Variants in NRDE2 observed in about 807,000 individuals in gnomAD.
NRDE2 encodes the protein NRDE-2, necessary for RNA interference, domain containing.
Under a neutral mutation model 124.2 loss-of-function variants are expected in NRDE2, and 76 were observed. That is an observed-to-expected ratio of 0.61 (90% CI 0.51 to 0.74). The LOEUF is 0.74. Ranked by LOEUF, NRDE2 falls within the 30% of genes least tolerant of loss-of-function variation. The probability of loss-of-function intolerance (pLI) is 0.00; values close to 1 mark genes in which losing one functional copy is unlikely to be tolerated. For synonymous variants in NRDE2, 489 were observed against 528.1 expected, an observed-to-expected ratio of 0.93 and a Z score of 1.01; for missense variants, 1,314 against 1,417.3, an observed-to-expected ratio of 0.93 and a Z score of 1.17.
At chr14:90,316,541 C>T (rs1319428750) in intron 3 of NRDE2, 37 bp downstream of exon 3, 2 of 1,453,792 alleles carry the variant, frequency 1.4e-6, no homozygotes, top group Non-Finnish European at 1.9e-6. Context: ...AAACTCAAGA[C>T]TTAAAATATC....
At chr14:90,327,515 C>G (rs557246908) in intron 1 of NRDE2, among the ~76,000 whole-genome samples, 1 of 151,650 alleles carries the variant, frequency 6.6e-6, no homozygotes, top group East Asian at 1.9e-4. Context: ...CGCCACTACA[C>G]TCCAACCTGG....
At chr14:90,306,275 C>A (rs1340128898) in intron 4 of NRDE2, among the ~76,000 whole-genome samples, 1 of 152,216 alleles carries the variant, frequency 6.6e-6, no homozygotes, top group African/African-American at 2.4e-5. Flanking sequence ...GGGCTCTCTC[C>A]CTCACCTCTG....
intron 6 of NRDE2, among the ~76,000 whole-genome samples, chr14:90,302,260 A>G (rs1221860449): frequency 6.6e-6 from 1 of 152,200 alleles, no homozygotes; most frequent in Non-Finnish European, 1.5e-5. Flanking sequence ...ACATCTCATT[A>G]CTGTCAAAAT....
chr14:90,311,395 G>A (rs1478448325), intron 4 of NRDE2, among the ~76,000 whole-genome samples: 3 of 152,156 alleles, frequency 2.0e-5, no homozygotes, highest in Admixed American at 6.5e-5. Flanking sequence ...TGTTGTGGGA[G>A]GGGCTTGGTG....
At chr14:90,285,001 G>A (rs1043445361) in intron 12 of NRDE2, among the ~76,000 whole-genome samples, 21 of 151,992 alleles carry the variant, frequency 1.4e-4, no homozygotes, top group African/African-American at 1.4e-4. Context: ...ATTTTAGGCC[G>A]GGCGCAGTGG....
intron 8 of NRDE2, 119 bp downstream of exon 8, chr14:90,298,141 T>A: frequency 9.1e-7 from 1 of 1,095,194 alleles, no homozygotes; most frequent in Non-Finnish European, 1.3e-6. Context: ...GACATTTTGA[T>A]GTTTGTGCAA....
In NRDE2 at chr14:90,269,743, T is replaced by A; in HGVS notation, c.*8593A>T. The A allele has an allele frequency of 2.0e-6, 1 of 497,286 alleles. No individual in the cohort carries two copies. Among genetic ancestry groups the A allele is most frequent in the Non-Finnish European group, 3.4e-6 (1 of 292,282 alleles). 30.8% of individuals were successfully genotyped at this position (497,286 alleles called of 1,614,324 possible). A position where few individuals can be genotyped will look rare whatever the true frequency, so the allele number is the denominator to read the frequency against. On this transcript the variant is annotated 3_prime_UTR_variant, in exon 14 of 14. Transcript: ENST00000354366. ...TGATATGGTCTGTGCACCTTGGCCC[T>A]TTGAATTCCAGTCTTATGTCTTGTC...
intron 13 of NRDE2, 153 bp downstream of exon 13, chr14:90,278,909 G>C: frequency 1.5e-6 from 1 of 678,960 alleles, no homozygotes; most frequent in Non-Finnish European, 2.7e-6. Context: ...AGTTTCACCA[G>C]GAAAAGGCTC....
intron 6 of NRDE2, 75 bp downstream of exon 6, chr14:90,302,645 T>C: frequency 2.9e-6 from 4 of 1,375,166 alleles, no homozygotes; most frequent in African/African-American, 1.4e-5. Flanking sequence ...AAATCAAAAA[T>C]AGATCTTCAT....
intron 1 of NRDE2, among the ~76,000 whole-genome samples, chr14:90,330,684 A>C (rs956480820): frequency 2.0e-5 from 3 of 151,900 alleles, no homozygotes; most frequent in Non-Finnish European, 4.4e-5. Context: ...CTGGTGGTGC[A>C]CACCAGTAGT....
intron 11 of NRDE2, among the ~76,000 whole-genome samples, chr14:90,287,359 T>C (rs7145279): frequency 6.6e-6 from 1 of 152,254 alleles, no homozygotes; most frequent in East Asian, 1.9e-4. Context: ...GGCTCCCTCC[T>C]ATAATCCCAG....
intron 1 of NRDE2, among the ~76,000 whole-genome samples, chr14:90,325,650 C>G (rs567477354): frequency 1.3e-5 from 2 of 152,152 alleles, no homozygotes; most frequent in South Asian, 4.1e-4. Context: ...CTCAACCTCC[C>G]GAGTAGCTGG....
At chr14:90,309,654 T>C (rs981985211) in intron 4 of NRDE2, among the ~76,000 whole-genome samples, 8 of 152,154 alleles carry the variant, frequency 5.3e-5, no homozygotes, top group Non-Finnish European at 1.0e-4. Flanking sequence ...AATAAAGCTG[T>C]TGCTTCTCTC....
At chr14:90,328,767 A>G (rs888713524) in intron 1 of NRDE2, among the ~76,000 whole-genome samples, 1 of 152,246 alleles carries the variant, frequency 6.6e-6, no homozygotes, top group Non-Finnish European at 1.5e-5. Flanking sequence ...AAGTGACACT[A>G]TGAGGATTTG....
At chr14:90,292,482 G>A (rs1278914422) in intron 9 of NRDE2, among the ~76,000 whole-genome samples, 1 of 152,194 alleles carries the variant, frequency 6.6e-6, no homozygotes, top group Non-Finnish European at 1.5e-5. Flanking sequence ...GCACCTATAT[G>A]CTCCCCCATC....
At chr14:90,296,737 C>T (rs1042542743) in intron 8 of NRDE2, among the ~76,000 whole-genome samples, 1 of 152,176 alleles carries the variant, frequency 6.6e-6, no homozygotes, top group African/African-American at 2.4e-5. Flanking sequence ...TGGCAGATCT[C>T]TCTCTATGCT....
chr14:90,276,243 G>C lies in NRDE2; in HGVS notation c.*2093C>G, dbSNP rs1258415356. 8.1e-6 allele frequency: 1 copy of C among 123,030 alleles called. No homozygotes were observed. Among genetic ancestry groups the C allele is most frequent in the Non-Finnish European group, 1.6e-5 (1 of 61,292 alleles). The allele number at this position is 123,030 out of a possible 1,614,324, so 7.6% of individuals were successfully genotyped here. On this transcript the variant is annotated 3_prime_UTR_variant, in exon 14 of 14. Coordinates refer to ENST00000354366, the MANE Select transcript of NRDE2 (RefSeq NM_017970.4). ...TTTTTTTTTTTTTTTTTTCGAGACG[G>C]AGTCTTGCTGTGTCGCCCAGGCTGG... is the stretch of plus-strand genomic sequence containing the variant.
At chr14:90,282,826 C>T (rs1236251985) in intron 12 of NRDE2, among the ~76,000 whole-genome samples, 5 of 152,134 alleles carry the variant, frequency 3.3e-5, no homozygotes, top group African/African-American at 4.8e-5. Context: ...TGCCACTACG[C>T]CCGGCTAATT....
At chr14:90,303,240 T>C (rs1884470782) in intron 5 of NRDE2, 115 bp from the exon 6 acceptor site, 1 of 933,396 alleles carries the variant, frequency 1.1e-6, no homozygotes, top group South Asian at 1.8e-5. Flanking sequence ...ACCACCAGTT[T>C]GCCACTATTT....
Sources: gnomAD v4.1 joint callset for allele counts (sites outside exome capture counted in the v4.1 genomes callset) on GRCh38, gnomAD v4.1.1 for gene constraint, MANE v1.5 for transcripts, NCBI Gene and HGNC (gene_info 2026-07-23, HGNC 2026-07-21) for gene names.